Variants in FBN2 observed in about 807,000 individuals in gnomAD.
FBN2 encodes fibrillin 2, also known as fibrillin-2.
In FBN2, 105 loss-of-function variants were observed where a neutral mutation model predicts 355.6. That is an observed-to-expected ratio of 0.30 (90% CI 0.25 to 0.35). The LOEUF (loss-of-function observed/expected upper bound fraction) is 0.35, where lower values mean the gene tolerates loss of function less well. FBN2 is among the 10% of genes least tolerant of loss of function. The pLI, the probability that FBN2 is intolerant of heterozygous loss-of-function variation, is 1.00. For synonymous variants in FBN2, 1,350 were observed against 1,301.2 expected, an observed-to-expected ratio of 1.04 and a Z score of -0.81; for missense variants, 3,280 against 3,758.7, an observed-to-expected ratio of 0.87 and a Z score of 3.33.
At chr5:128,297,864 T>C (rs1007093224) in intron 48 of FBN2, among the ~76,000 whole-genome samples, 16 of 152,286 alleles carry the variant, frequency 1.1e-4, no homozygotes, top group African/African-American at 3.9e-4. Context: ...TATGTGTGAA[T>C]TTGATCCTGT....
In FBN2 at chr5:128,537,787, C is replaced by A. The variant is rs1756900942; in HGVS notation, c.-184G>T. The A allele has an allele frequency of 7.9e-6, 5 of 636,568 alleles. No individual in the cohort carries two copies. The highest frequency in any genetic ancestry group is 1.1e-5 in the Non-Finnish European group (4 of 368,658). 39.4% of individuals were successfully genotyped at this position (636,568 alleles called of 1,614,324 possible). ...AGAGCGCCGGCCCCCTGACTGCCCGCGAAGCGAGACGCGGGGCGCCGGGTC... is the reference window on the plus strand; with the variant it reads ...AGAGCGCCGGCCCCCTGACTGCCCGAGAAGCGAGACGCGGGGCGCCGGGTC... On this transcript the variant is annotated 5_prime_UTR_variant, in exon 1 of 65. Coordinates refer to ENST00000262464, the MANE Select transcript of FBN2 (RefSeq NM_001999.4).
At chr5:128,521,083 A>G (rs1756420880) in intron 4 of FBN2, among the ~76,000 whole-genome samples, 1 of 152,306 alleles carries the variant, frequency 6.6e-6, no homozygotes, top group Non-Finnish European at 1.5e-5. Flanking sequence ...TCATTGCAGC[A>G]CTATTCACAA....
intron 1 of FBN2, 84 bp downstream of exon 1, chr5:128,537,266 G>C: frequency 3.8e-6 from 6 of 1,581,186 alleles, no homozygotes; most frequent in Admixed American, 1.7e-5. Flanking sequence ...GGTCTGGGAC[G>C]GAGTGGGCCA....
intron 32 of FBN2, among the ~76,000 whole-genome samples, chr5:128,331,703 G>A (rs1005747807): frequency 6.6e-6 from 1 of 152,136 alleles, no homozygotes; most frequent in Non-Finnish European, 1.5e-5. Flanking sequence ...GCATGTGAGA[G>A]AGACAGAAAC....
At chr5:128,399,806 A>G (rs1011324480) in intron 8 of FBN2, among the ~76,000 whole-genome samples, 2 of 152,144 alleles carry the variant, frequency 1.3e-5, no homozygotes, top group Non-Finnish European at 2.9e-5. Context: ...ACAGAAATAA[A>G]GTACATAACT....
chr5:128,312,161 G>A (rs1750074472), intron 37 of FBN2, among the ~76,000 whole-genome samples: 1 of 152,014 alleles, frequency 6.6e-6, no homozygotes, highest in South Asian at 2.1e-4. Flanking sequence ...AGAATAACAC[G>A]AACCATTTGT....
Position 128,332,904 on chromosome 5 carries a change from A to T in FBN2, c.4222+8T>A. The T allele has an allele frequency of 6.2e-7, 1 of 1,613,766 alleles. No individual in the cohort carries two copies. Among genetic ancestry groups the T allele is most frequent in the Non-Finnish European group, 8.5e-7 (1 of 1,179,686 alleles). ...CTTAGCAAAGGATATTTACATTTGC[A>T]AACTCACCAATACACTTGATGCCGT... On this transcript the variant is annotated splice_region_variant and intron_variant, in intron 32 of 64. Transcript: ENST00000262464.
In FBN2 at chr5:128,335,433, CTG is replaced by C. The variant is rs1750810374; in HGVS notation, c.3847+20_3847+21del. ...AAAAAATTAGTTAGATGTACAAAAC[CTG>C]TGTGTTTTCCTTTCTATACCTGCAC... is the stretch of plus-strand genomic sequence containing the variant. On this transcript the variant is annotated intron_variant, in intron 29 of 64. Coordinates refer to ENST00000262464, the MANE Select transcript of FBN2 (RefSeq NM_001999.4). 2 of 1,613,962 alleles carry C rather than the reference CTG, an allele frequency of 1.2e-6. No individual in the cohort carries two copies. The highest frequency in any genetic ancestry group is 3.3e-4 in the Middle Eastern group (2 of 6,062).
At chr5:128,432,018 AATG>A (rs1433667401) in intron 7 of FBN2, among the ~76,000 whole-genome samples, 1 of 149,904 alleles carries the variant, frequency 6.7e-6, no homozygotes, top group African/African-American at 2.5e-5. Flanking sequence ...CTGTAATAAT[AATG>A]ATGATAATGA....
Position 128,288,572 on chromosome 5 carries a change from T to C in FBN2, c.6638-15A>G, listed in dbSNP as rs769350165. 10 of 1,612,492 alleles carry C rather than the reference T, an allele frequency of 6.2e-6. No homozygotes were observed. In the South Asian group the frequency reaches 7.7e-5, roughly 12 times the overall value. ...CTCATCAGTATCTGAAAAAGAAGAA[T>C]AAGAAACTGCCACAAAGATGTTTTA... On this transcript the variant is annotated splice_polypyrimidine_tract_variant and intron_variant, in intron 52 of 64. Transcript: ENST00000262464.
chr5:128,375,477 C>T (rs1475809613), intron 14 of FBN2, among the ~76,000 whole-genome samples: 1 of 152,116 alleles, frequency 6.6e-6, no homozygotes, highest in African/African-American at 2.4e-5. Context: ...TCAGCTAACC[C>T]TGAGATGACA....
At chr5:128,521,643 T>A (rs1756436545) in intron 4 of FBN2, among the ~76,000 whole-genome samples, 1 of 152,240 alleles carries the variant, frequency 6.6e-6, no homozygotes, top group African/African-American at 2.4e-5. Context: ...CTTTAAATGC[T>A]ATTGAGCTGT....
chr5:128,408,617 G>C, intron 8 of FBN2, 57 bp downstream of exon 8: 1 of 1,604,092 alleles, frequency 6.2e-7, no homozygotes, highest in Non-Finnish European at 8.5e-7. Flanking sequence ...TACCTGTTTG[G>C]GCTGTTTTGT....
intron 11 of FBN2, among the ~76,000 whole-genome samples, chr5:128,386,903 C>T (rs1432457548): frequency 1.3e-5 from 2 of 151,914 alleles, no homozygotes; most frequent in Non-Finnish European, 2.9e-5. Flanking sequence ...AAGTTTTCTC[C>T]TTTTTTATTG....
At chr5:128,534,913 G>C (rs1000627739) in intron 2 of FBN2, among the ~76,000 whole-genome samples, 1 of 152,162 alleles carries the variant, frequency 6.6e-6, no homozygotes, top group Non-Finnish European at 1.5e-5. Context: ...ACTTTCCGCC[G>C]TGCCTAAGTC....
At position 128,277,898 on chromosome 5, in the gene FBN2, T is replaced by G; in HGVS notation, c.7453A>C (p.Ser2485Arg). The change falls in exon 58 of 65, where the codon AGT becomes CGT. Residue 2485 changes from serine (S) to arginine (R), a missense_variant. Around this residue, in one of 6 missense-constraint regions of FBN2, gnomAD observed 2,284 missense variants for 2,749.5 expected, o/e 0.83. Coordinates refer to ENST00000262464, the MANE Select transcript of FBN2 (RefSeq NM_001999.4). ...FCKVGYTTDI[S>R]GTSCIDLDEC... ...TCGTTACCTATACAAGAGGTTCCAC[T>G]GATGTCTGTGGTGTAGCCAACCTTG... 1 of 1,614,158 alleles carries G rather than the reference T, an allele frequency of 6.2e-7. No individual in the cohort carries two copies. Among genetic ancestry groups the G allele is most frequent in the Admixed American group, 1.7e-5 (1 of 60,022 alleles).
At chr5:128,291,755 G>T in intron 48 of FBN2, 101 bp from the exon 49 acceptor site, 2 of 1,093,848 alleles carry the variant, frequency 1.8e-6, no homozygotes, top group Non-Finnish European at 2.8e-6. Context: ...TCAGACAAGA[G>T]ATATTACGTT....
chr5:128,278,951 C>T, intron 56 of FBN2, 110 bp from the exon 57 acceptor site: 1 of 841,968 alleles, frequency 1.2e-6, no homozygotes, highest in Non-Finnish European at 1.9e-6. Context: ...ATAATTAAGA[C>T]AGCTTAATGT....
rs753304152 is a variant in FBN2, at chr5:128,289,967, T to G, written c.6446-20A>C. The G allele has an allele frequency of 1.8e-5, 26 of 1,469,578 alleles. No homozygotes were observed. The South Asian group carries it at 2.8e-4, about 16-fold the overall frequency. The allele number at this position is 1,469,578 out of a possible 1,614,324, so 91.0% of individuals were successfully genotyped here. A position where few individuals can be genotyped will look rare whatever the true frequency, so the allele number is the denominator to read the frequency against. On this transcript the variant is annotated intron_variant, in intron 50 of 64. Coordinates refer to ENST00000262464, the MANE Select transcript of FBN2 (RefSeq NM_001999.4). ...ATGCAACTACAAAGAAAAATACAAA[T>G]TCTCCATTATTGAAGACTTGAAATT...
Sources: allele counts gnomAD v4.1 joint callset (sites outside exome capture counted in the v4.1 genomes callset), GRCh38; gene constraint gnomAD v4.1.1; regional missense constraint gnomAD v4.1.1; transcripts MANE v1.5; gene names NCBI Gene and HGNC (gene_info 2026-07-23, HGNC 2026-07-21).